Variants in CAST observed in about 807,000 individuals in gnomAD.
CAST encodes the protein calpastatin, also known as MIR583 host.
Under a neutral mutation model 119.6 loss-of-function variants are expected in CAST, and 76 were observed. The observed-to-expected ratio is 0.64, with a 90% CI of 0.53 to 0.77. The LOEUF (loss-of-function observed/expected upper bound fraction) is 0.77. Ranked by LOEUF, CAST falls within the 30% of genes least tolerant of loss-of-function variation. The probability of loss-of-function intolerance (pLI) is 0.00; values close to 1 mark genes in which losing one functional copy is unlikely to be tolerated. For missense variants in CAST, 953 were observed against 946.5 expected (o/e 1.01, Z -0.09); for synonymous variants, 319 against 331.6 (o/e 0.96, Z 0.41).
the CAST span, among the ~76,000 whole-genome samples, chr5:96,193,983 G>A: frequency 1.3e-5 from 2 of 152,136 alleles, no homozygotes; most frequent in South Asian, 4.1e-4. Flanking sequence ...AAGTAGAGTT[G>A]AGCAGGTTGA....
chr5:96,190,252 C>T, the CAST span, among the ~76,000 whole-genome samples: 3,877 of 152,184 alleles, frequency 0.025, 176 homozygotes, highest in African/African-American at 0.09. Flanking sequence ...TAGGTGCCTG[C>T]GCTGGTTTTA....
At chr5:96,037,041 C>A in the CAST span, among the ~76,000 whole-genome samples, 4 of 152,084 alleles carry the variant, frequency 2.6e-5, no homozygotes, top group Non-Finnish European at 5.9e-5. Flanking sequence ...CTCTTTGAAT[C>A]TGGTAATCTA....
At chr5:96,727,571 T>C in intron 6 of CAST, 41 bp downstream of exon 6, 1 of 1,309,716 alleles carries the variant, frequency 7.6e-7, no homozygotes, top group Non-Finnish European at 1.1e-6. Flanking sequence ...TTGGATTCTT[T>C]TTAATAATAA....
chr5:96,566,088 TA>T (rs961577507), intron 1 of CAST, among the ~76,000 whole-genome samples: 51 of 152,314 alleles, frequency 3.3e-4, no homozygotes, highest in African/African-American at 1.2e-3. Flanking sequence ...GCACTATGAC[TA>T]GGCTGACATT....
chr5:95,977,531 G>GAA, the CAST span, among the ~76,000 whole-genome samples: 1 of 152,214 alleles, frequency 6.6e-6, no homozygotes, highest in Non-Finnish European at 1.5e-5. Flanking sequence ...TGGGAAAACA[G>GAA]AAGTTATTTG....
At chr5:96,080,175 G>A in the CAST span, among the ~76,000 whole-genome samples, 1 of 152,092 alleles carries the variant, frequency 6.6e-6, no homozygotes, top group Non-Finnish European at 1.5e-5. Context: ...TGCAAAATGG[G>A]TATAAATAAT....
the CAST span, among the ~76,000 whole-genome samples, chr5:96,218,919 G>A: frequency 6.6e-6 from 1 of 152,060 alleles, no homozygotes; most frequent in Admixed American, 6.5e-5. Context: ...GTTATGTACT[G>A]TGTGGGGTGT....
chr5:96,675,668 T>C (rs1294114299), intron 2 of CAST, 67 bp downstream of exon 2: 2 of 1,195,700 alleles, frequency 1.7e-6, no homozygotes, highest in Non-Finnish European at 2.4e-6. Flanking sequence ...CCTTGAAATA[T>C]TAAATAACGA....
At chr5:96,651,199 T>C (rs1748090486) in intron 1 of CAST, among the ~76,000 whole-genome samples, 1 of 152,226 alleles carries the variant, frequency 6.6e-6, no homozygotes, top group Non-Finnish European at 1.5e-5. Flanking sequence ...CCTGGGCTCC[T>C]CAGCAACAAA....
chr5:96,212,444 C>T, the CAST span, among the ~76,000 whole-genome samples: 7 of 152,112 alleles, frequency 4.6e-5, no homozygotes, highest in Admixed American at 6.6e-5. Flanking sequence ...TCAGAGAACA[C>T]ACTTTGTATG....
chr5:96,726,966 C>G, intron 5 of CAST, 107 bp downstream of exon 5: 1 of 771,552 alleles, frequency 1.3e-6, no homozygotes, highest in Non-Finnish European at 2.2e-6. Flanking sequence ...ACACTGAGAT[C>G]CCATCATGGA....
intron 1 of CAST, among the ~76,000 whole-genome samples, chr5:96,558,301 G>A (rs1580823771): frequency 1.3e-5 from 2 of 151,930 alleles, no homozygotes; most frequent in Non-Finnish European, 2.9e-5. Flanking sequence ...AAGAACTAGA[G>A]AAGCAAGAGC....
chr5:96,534,812 G>A (rs1196054815), intron 1 of CAST, among the ~76,000 whole-genome samples: 1 of 140,446 alleles, frequency 7.1e-6, no homozygotes, highest in East Asian at 2.1e-4. Context: ...AAGAAAGAAA[G>A]AAAGAAAGAA....
upstream of CAST, chr5:96,662,265 G>A: frequency 4.4e-6 from 4 of 900,558 alleles, no homozygotes; most frequent in Non-Finnish European, 6.0e-6. Context: ...GAACCCCGGC[G>A]CAGACCTGGG....
the CAST span, among the ~76,000 whole-genome samples, chr5:96,230,041 C>G: frequency 6.6e-6 from 1 of 152,248 alleles, no homozygotes; most frequent in South Asian, 2.1e-4. Flanking sequence ...TTCTTGTGCT[C>G]AAACATACTA....
At chr5:96,527,022 C>T (rs772339232), upstream of CAST, among the ~76,000 whole-genome samples, 18 of 152,248 alleles carry the variant, frequency 1.2e-4, no homozygotes, top group Non-Finnish European at 2.4e-4. Context: ...CACATGTTAC[C>T]TGTGAAAGGA....
At chr5:96,430,661 A>G in the CAST span, among the ~76,000 whole-genome samples, 554 of 152,352 alleles carry the variant, frequency 3.6e-3, 3 homozygotes, top group African/African-American at 0.012. Flanking sequence ...AAATAAGCAG[A>G]ACCAGGAACG....
chr5:96,496,190 T>C, the CAST span, among the ~76,000 whole-genome samples: 4 of 152,222 alleles, frequency 2.6e-5, no homozygotes, highest in Non-Finnish European at 5.9e-5. Flanking sequence ...TTTATTTGAA[T>C]TATTATTCCA....
At chr5:96,086,964 A>C in the CAST span, among the ~76,000 whole-genome samples, 2 of 152,214 alleles carry the variant, frequency 1.3e-5, no homozygotes, top group African/African-American at 2.4e-5. Flanking sequence ...CATTCCTACT[A>C]CCTGTTTTGG....
Sources: allele counts gnomAD v4.1 joint callset (sites outside exome capture counted in the v4.1 genomes callset), GRCh38; gene constraint gnomAD v4.1.1; transcripts MANE v1.5; gene names NCBI Gene and HGNC (gene_info 2026-07-23, HGNC 2026-07-21).